Variants in ESR1 observed in about 807,000 individuals in gnomAD.
ESR1 encodes estrogen receptor.
A neutral mutation model predicts 52.7 loss-of-function variants in ESR1; 12 were observed. That is an observed-to-expected ratio of 0.23 (90% CI 0.15 to 0.37). The LOEUF is 0.37. Among genes scored for constraint, ESR1 ranks in the 10% least tolerant of loss-of-function variants. ESR1 has a pLI of 1.00. For synonymous variants in ESR1, 305 were observed against 316.8 expected, an observed-to-expected ratio of 0.96 and a Z score of 0.39; for missense variants, 584 against 779.7, an observed-to-expected ratio of 0.75 and a Z score of 2.99.
intron 2 of ESR1, among the ~76,000 whole-genome samples, chr6:151,741,899 C>A (rs1783125154): frequency 6.6e-6 from 1 of 152,124 alleles, no homozygotes; most frequent in South Asian, 2.1e-4. Context: ...ATATCTGCTA[C>A]TTTATAGCCT....
intron 2 of ESR1, among the ~76,000 whole-genome samples, chr6:151,796,917 T>C (rs964171412): frequency 6.6e-6 from 1 of 152,202 alleles, no homozygotes; most frequent in African/African-American, 2.4e-5. Context: ...CCAATCTAGT[T>C]CCCTTGGCCA....
intron 1 of ESR1, among the ~76,000 whole-genome samples, chr6:151,671,703 T>A (rs188852308): frequency 6.6e-6 from 1 of 152,186 alleles, no homozygotes; most frequent in East Asian, 1.9e-4. Flanking sequence ...TTAAAATTTT[T>A]ATTTTAGGCC....
At chr6:152,084,981 TGACTGCATGGATGA>T in intron 6 of ESR1, among the ~76,000 whole-genome samples, 1 of 152,344 alleles carries the variant, frequency 6.6e-6, no homozygotes. Flanking sequence ...CCCTTACCGC[TGACTGCATGGATGA>T]GAGCTAGGCC....
intron 6 of ESR1, among the ~76,000 whole-genome samples, chr6:152,118,742 G>A (rs2051239940): frequency 1.3e-5 from 2 of 151,984 alleles, no homozygotes. Flanking sequence ...TAACAAACCT[G>A]CACGTTCAGT....
At position 151,850,114 on chromosome 6, in the gene ESR1, T is replaced by TAATATA. The variant is rs61329041; in HGVS notation, c.643+7327_643+7328insAATATA. Among the ~76,000 whole-genome samples, 203 of 34,992 alleles carry TAATATA rather than the reference T, an allele frequency of 5.8e-3. 37 individuals carry two copies. Among genetic ancestry groups the TAATATA allele is most frequent in the East Asian group, 0.014 (18 of 1,330 alleles). 23.0% of individuals were successfully genotyped at this position (34,992 alleles called of 152,430 possible). A position where few individuals can be genotyped will look rare whatever the true frequency, so the allele number is the denominator to read the frequency against. On this transcript the variant is annotated intron_variant, in intron 2 of 7. Coordinates refer to ENST00000206249, the MANE Select transcript of ESR1 (RefSeq NM_000125.4). ...TATAATTTTATATATATATACAAAA[T>TAATATA]TATATATATATGTCTGGTACAGGCT... is the stretch of plus-strand genomic sequence containing the variant.
chr6:151,700,668 CTTTTTT>C (rs34905961), intron 1 of ESR1, among the ~76,000 whole-genome samples: 168 of 117,206 alleles, frequency 1.4e-3, no homozygotes, highest in African/African-American at 5.0e-3. Context: ...TTAAACTTTC[CTTTTTT>C]TTTTTTTTTT....
At chr6:151,906,711 C>T (rs545999909) in intron 3 of ESR1, among the ~76,000 whole-genome samples, 3 of 147,806 alleles carry the variant, frequency 2.0e-5, no homozygotes, top group Non-Finnish European at 3.0e-5. Flanking sequence ...ATCTAGTATG[C>T]AGCTTGACTT....
chr6:151,736,534 G>A lies in ESR1; in HGVS notation c.-71+34529G>A, dbSNP rs143063712. 3.0e-4 allele frequency among the ~76,000 whole-genome samples: 46 copies of A among 151,976 alleles called. No individual in the cohort carries two copies. The East Asian group carries it at 8.4e-3, about 28-fold the overall frequency. On this transcript the variant is annotated intron_variant, in intron 2 of 2. Transcript: ENST00000404742. Reference sequence around the variant, plus strand: ...ACTACAGGCACAAGCCACCAAGCCTGGCTAATTGTTTTGTACTTTAGTCTC... The same window carrying A: ...ACTACAGGCACAAGCCACCAAGCCTAGCTAATTGTTTTGTACTTTAGTCTC...
chr6:151,987,782 A>T (rs1342739342), intron 4 of ESR1, among the ~76,000 whole-genome samples: 1 of 152,022 alleles, frequency 6.6e-6, no homozygotes, highest in Non-Finnish European at 1.5e-5. Context: ...TCCTTTTTGT[A>T]TGCTGTTATT....
At chr6:151,810,361 G>T (rs190944147) in intron 1 of ESR1, among the ~76,000 whole-genome samples, 2 of 151,962 alleles carry the variant, frequency 1.3e-5, no homozygotes, top group Non-Finnish European at 2.9e-5. Context: ...TTTATTTCCC[G>T]GATTATCTTT....
chr6:151,846,022 T>C (rs1785053469), intron 2 of ESR1, among the ~76,000 whole-genome samples: 1 of 152,086 alleles, frequency 6.6e-6, no homozygotes, highest in Non-Finnish European at 1.5e-5. Flanking sequence ...GAAGGCAGTG[T>C]CTTATAGGAT....
At chr6:151,970,101 C>T (rs1343970153) in intron 4 of ESR1, among the ~76,000 whole-genome samples, 1 of 151,992 alleles carries the variant, frequency 6.6e-6, no homozygotes, top group Non-Finnish European at 1.5e-5. Flanking sequence ...AAGGCCCTTA[C>T]CATGGCTCTG....
rs368706545 is a variant in ESR1 at position 152,053,754 on chromosome 6, A to G, written c.1236-7237A>G. Among the ~76,000 whole-genome samples, 2 of 151,772 alleles carry G rather than the reference A, an allele frequency of 1.3e-5. No individual in the cohort carries two copies. Among genetic ancestry groups the G allele is most frequent in the South Asian group, 2.1e-4 (1 of 4,814 alleles). ...CAAAATTTGTATTTCCGGATATTTT[A>G]TGCTTTCATGGAGGCCGTGTAAATT... On this transcript the variant is annotated intron_variant, in intron 5 of 7. Coordinates refer to ENST00000206249, the MANE Select transcript of ESR1 (RefSeq NM_000125.4). This position sits in a 1 kb window ranked among gnomAD's most constrained non-coding sequence, Gnocchi z 4.1.
intron 2 of ESR1, among the ~76,000 whole-genome samples, chr6:151,765,281 A>AGAT (rs1784962518): frequency 6.6e-6 from 1 of 152,238 alleles, no homozygotes; most frequent in Admixed American, 6.5e-5. Context: ...TGAAAAAAAT[A>AGAT]GATTCAGACA....
At chr6:151,816,282 A>G (rs1482248276) in intron 1 of ESR1, among the ~76,000 whole-genome samples, 1 of 152,152 alleles carries the variant, frequency 6.6e-6, no homozygotes, top group Non-Finnish European at 1.5e-5. Flanking sequence ...ATGAGAATCG[A>G]TTCTGTATAA....
chr6:151,935,660 G>A (rs577223611), intron 3 of ESR1, among the ~76,000 whole-genome samples: 1 of 152,310 alleles, frequency 6.6e-6, no homozygotes, highest in South Asian at 2.1e-4. Context: ...ACCAAATGTA[G>A]GACGGCAGCT....
At position 152,094,362 on chromosome 6, in the gene ESR1, T is replaced by C. The variant is rs531077411; in HGVS notation, c.1370-23T>C. ...CTCATCCTCTTTGAGCTTCTCTCTC[T>C]CACTCTCTCTCTGCGCATTCAGGAG... On this transcript the variant is annotated intron_variant, in intron 6 of 7. Coordinates refer to ENST00000206249, the MANE Select transcript of ESR1 (RefSeq NM_000125.4). The surrounding 1 kb of genome is among the most constrained non-coding windows in gnomAD (Gnocchi z 4.6). 1.2e-5 allele frequency: 19 copies of C among 1,610,552 alleles called. No individual in the cohort carries two copies. In the East Asian group the frequency reaches 1.3e-4, roughly 11 times the overall value.
intron 3 of ESR1, among the ~76,000 whole-genome samples, chr6:151,920,997 T>G (rs190023299): frequency 2.0e-5 from 3 of 152,254 alleles, no homozygotes; most frequent in African/African-American, 7.2e-5. Context: ...GTTAAACGTG[T>G]GCCATGGTGG....
At chr6:151,808,772 G>A (rs1778302744) in intron 1 of ESR1, among the ~76,000 whole-genome samples, 1 of 152,104 alleles carries the variant, frequency 6.6e-6, no homozygotes, top group Non-Finnish European at 1.5e-5. Context: ...TAAAGTTGGG[G>A]GTGTTTGGAG....
Sources: allele counts gnomAD v4.1 joint callset (sites outside exome capture counted in the v4.1 genomes callset), GRCh38; gene constraint gnomAD v4.1.1; non-coding constraint Gnocchi (gnomAD v3.1); transcripts MANE v1.5; gene names NCBI Gene and HGNC (gene_info 2026-07-23, HGNC 2026-07-21).